The following INTS13 variants were observed in gnomAD, a reference collection of about 807,000 sequenced individuals.
INTS13 encodes integrator complex subunit 13.
INTS13 carries 35 observed loss-of-function variants against 90.2 expected under a neutral mutation model. That is an observed-to-expected ratio of 0.39 (90% CI 0.30 to 0.51). The LOEUF (loss-of-function observed/expected upper bound fraction) is 0.51. Among genes scored for constraint, INTS13 ranks in the 20% least tolerant of loss-of-function variants. INTS13 has a pLI of 0.80. For synonymous variants in INTS13, 309 were observed against 277.1 expected (o/e 1.11, Z -1.14); for missense variants, 601 against 851.2 (o/e 0.71, Z 3.66).
chr12:26,924,615 T>G, intron 6 of INTS13, 132 bp from the exon 7 acceptor site: 1 of 936,896 alleles, frequency 1.1e-6, no homozygotes, highest in Non-Finnish European at 1.6e-6. Flanking sequence ...AAAGGATCCA[T>G]AAATTAACCA....
chr12:26,917,356 T>C lies in INTS13; in HGVS notation c.1065A>G (p.Leu355=). The C allele has an allele frequency of 7.1e-7, 1 of 1,404,600 alleles. No homozygotes were observed. The highest frequency in any genetic ancestry group is 9.7e-7 in the Non-Finnish European group (1 of 1,031,174). The allele number at this position is 1,404,600 out of a possible 1,614,324, so 87.0% of individuals were successfully genotyped here. A position where few individuals can be genotyped will look rare whatever the true frequency, so the allele number is the denominator to read the frequency against. ...RPSSCLTNFL[L]NGRSVLLEQP... Reference sequence around the variant, plus strand: ...CCATTAAATAATTAAAGTTACCATTTAGAAGAAAATTAGTAAGGCAGGAGG... The same window carrying C: ...CCATTAAATAATTAAAGTTACCATTCAGAAGAAAATTAGTAAGGCAGGAGG... The change falls in exon 10 of 17, where the codon CTA becomes CTG. Residue 355 remains leucine, a synonymous_variant. Transcript: ENST00000261191.
intron 7 of INTS13, 41 bp from the exon 8 acceptor site, chr12:26,922,741 G>T (rs1937655400): frequency 6.2e-6 from 8 of 1,291,506 alleles, no homozygotes; most frequent in South Asian, 3.0e-5. Context: ...ACTTGGTTTT[G>T]CTTTCAAAAT....
At chr12:26,916,425 A>G (rs1951937756) in intron 10 of INTS13, among the ~76,000 whole-genome samples, 1 of 152,214 alleles carries the variant, frequency 6.6e-6, no homozygotes, top group Non-Finnish European at 1.5e-5. Flanking sequence ...GGTCTCTGGC[A>G]TAATACGTTT....
At chr12:26,923,016 T>C (rs962697049) in intron 7 of INTS13, among the ~76,000 whole-genome samples, 1 of 152,118 alleles carries the variant, frequency 6.6e-6, no homozygotes, top group Non-Finnish European at 1.5e-5. Flanking sequence ...ATTTTTAATA[T>C]ACAAATATAA....
At chr12:26,906,470 AAGAT>A (rs772057630) in intron 15 of INTS13, 33 bp from the exon 16 acceptor site, 177 of 1,575,070 alleles carry the variant, frequency 1.1e-4, no homozygotes, top group Non-Finnish European at 1.4e-4. Context: ...AGAGAAAAAA[AAGAT>A]AGAATAATTT....
chr12:26,927,593 T>C (rs1467547746), intron 5 of INTS13, among the ~76,000 whole-genome samples: 3 of 152,214 alleles, frequency 2.0e-5, no homozygotes, highest in Non-Finnish European at 4.4e-5. Context: ...AACAATTTTT[T>C]AAAAATTTAA....
chr12:26,915,860 G>C (rs1951918146), intron 11 of INTS13, 142 bp downstream of exon 11: 5 of 580,192 alleles, frequency 8.6e-6, no homozygotes, highest in Middle Eastern at 4.7e-4. Context: ...AATATTGCAG[G>C]AAATTCACCT....
chr12:26,916,251 T>C (rs1163667510), intron 10 of INTS13, 71 bp from the exon 11 acceptor site: 4 of 1,322,522 alleles, frequency 3.0e-6, no homozygotes, highest in Non-Finnish European at 4.1e-6. Flanking sequence ...TTGAGATTTA[T>C]GTCTAGATTT....
At chr12:26,930,382 T>C (rs1335987703) in intron 3 of INTS13, among the ~76,000 whole-genome samples, 1 of 152,182 alleles carries the variant, frequency 6.6e-6, no homozygotes, top group African/African-American at 2.4e-5. Context: ...CACTTCCTAT[T>C]TTTAAAACTT....
Position 26,922,685 on chromosome 12 carries a change from T to C in INTS13, c.820A>G (p.Asn274Asp). 6.3e-7 allele frequency: 1 copy of C among 1,579,876 alleles called. No individual in the cohort carries two copies. Residue 274 changes from asparagine (N) to aspartate (D), a missense_variant, in exon 8 of 17, where the codon AAC (asparagine) becomes GAC (aspartate). This residue lies in a region of INTS13 where 284 missense variants were observed against 387.7 expected (regional missense o/e 0.73). Coordinates refer to ENST00000261191, the MANE Select transcript of INTS13 (RefSeq NM_018164.3). ...NIPMKEEQHA[N>D]TSANYDVELL... ...TCCACATCATAATTGGCAGATGTGT[T>C]AGCATGCTGTTCTTCCTTGAAGTAA...
At chr12:26,936,180 C>G (rs1938447956) in intron 2 of INTS13, among the ~76,000 whole-genome samples, 1 of 152,172 alleles carries the variant, frequency 6.6e-6, no homozygotes, top group South Asian at 2.1e-4. Context: ...AGGGAAGCAA[C>G]AAACAAGACT....
At chr12:26,905,939 T>A (rs1592190332) in intron 16 of INTS13, among the ~76,000 whole-genome samples, 1 of 152,322 alleles carries the variant, frequency 6.6e-6, no homozygotes, top group African/African-American at 2.4e-5. Flanking sequence ...TAATCAGATC[T>A]GAGATTTATT....
intron 8 of INTS13, among the ~76,000 whole-genome samples, chr12:26,918,560 C>T (rs1319206318): frequency 3.0e-4 from 45 of 152,316 alleles, no homozygotes. Context: ...CCTGCCCACA[C>T]TATTAAATGA....
chr12:26,918,471 T>C (rs928224188), intron 8 of INTS13, among the ~76,000 whole-genome samples: 1 of 152,236 alleles, frequency 6.6e-6, no homozygotes, highest in Non-Finnish European at 1.5e-5. Flanking sequence ...ACATTCATCA[T>C]TAATCAATCA....
rs1951851084 is a variant in INTS13, at chr12:26,913,569, G to C, written c.1693C>G (p.Pro565Ala). Reference protein sequence around the residue: ...ECLMACRSKPPEEEERKKRGR... With the variant: ...ECLMACRSKPAEEEERKKRGR... ...CGTTTCTTTCGTTCTTCCTCTTCTG[G>C]GGGTTTGCTCCTGCATGCCATCAGA... The change falls in exon 14 of 17, where the codon CCA (proline) becomes GCA (alanine). Residue 565 changes from proline (P) to alanine (A), a missense_variant. By Grantham distance (27) the Pro-to-Ala change is conservative (BLOSUM62 -1). Transcript: ENST00000261191. 2 of 1,613,776 alleles carry C rather than the reference G, an allele frequency of 1.2e-6. No individual in the cohort carries two copies. Among genetic ancestry groups the C allele is most frequent in the Admixed American group, 3.3e-5 (2 of 59,974 alleles).
chr12:26,912,729 CACT>C, intron 14 of INTS13, among the ~76,000 whole-genome samples: 1 of 83,344 alleles, frequency 1.2e-5, no homozygotes. Flanking sequence ...TTGCTGCAAT[CACT>C]TTTTTTTTTT....
chr12:26,920,480 C>T (rs1427670106), intron 8 of INTS13, among the ~76,000 whole-genome samples: 1 of 151,470 alleles, frequency 6.6e-6, no homozygotes, highest in African/African-American at 2.4e-5. Flanking sequence ...CTCACTGCAA[C>T]TTCTGCCTCC....
At position 26,928,980 on chromosome 12, in the gene INTS13, T is replaced by C. The variant is rs562996798; in HGVS notation, c.301-75A>G. The stretch of plus-strand genomic sequence containing the variant: ...ATAAAAATATCACAAGAAAGAAAAC[T>C]ACACACCAATGTATCTTACATATAT... On this transcript the variant is annotated intron_variant, in intron 3 of 16. Transcript: ENST00000261191. 10 of 1,306,492 alleles carry C rather than the reference T, an allele frequency of 7.7e-6. No homozygotes were observed. In the African/African-American group the frequency reaches 8.9e-5, roughly 12 times the overall value. The allele number at this position is 1,306,492 out of a possible 1,614,324, so 80.9% of individuals were successfully genotyped here.
intron 12 of INTS13, 47 bp downstream of exon 12, chr12:26,914,361 A>T: frequency 5.3e-6 from 8 of 1,511,334 alleles, no homozygotes; most frequent in Non-Finnish European, 7.1e-6. Context: ...TTCTATAAAG[A>T]ATATATAACT....
Sources: gnomAD v4.1 joint callset for allele counts (sites outside exome capture counted in the v4.1 genomes callset) on GRCh38, gnomAD v4.1.1 for gene constraint, gnomAD v4.1.1 regional missense constraint, MANE v1.5 for transcripts, NCBI Gene and HGNC (gene_info 2026-07-23, HGNC 2026-07-21) for gene names.